The following DCC variants were observed in gnomAD, a reference collection of about 807,000 sequenced individuals.
DCC encodes DCC netrin 1 receptor, also known as netrin receptor DCC.
DCC carries 58 observed loss-of-function variants against 172.5 expected under a neutral mutation model. The observed-to-expected ratio is 0.34, with a 90% CI of 0.27 to 0.42. The LOEUF (loss-of-function observed/expected upper bound fraction) is 0.42. DCC is among the 10% of genes least tolerant of loss of function. The probability of loss-of-function intolerance (pLI) is 1.00; values close to 1 mark genes in which losing one functional copy is unlikely to be tolerated. For synonymous variants in DCC, 709 were observed against 644.5 expected (o/e 1.10, Z -1.52); for missense variants, 1,740 against 1,791.0 (o/e 0.97, Z 0.51).
intron 12 of DCC, among the ~76,000 whole-genome samples, chr18:53,224,577 G>C (rs2055995656): frequency 6.6e-6 from 1 of 152,170 alleles, no homozygotes. Context: ...ACAACCAAGT[G>C]CTCCATGTGA....
chr18:52,341,577 A>C (rs934252416), intron 1 of DCC, among the ~76,000 whole-genome samples: 2 of 152,166 alleles, frequency 1.3e-5, no homozygotes, highest in Non-Finnish European at 2.9e-5. Flanking sequence ...TTGATATTCC[A>C]GAGAACCGGC....
At chr18:52,680,388 C>T (rs985217319) in intron 1 of DCC, among the ~76,000 whole-genome samples, 1 of 152,082 alleles carries the variant, frequency 6.6e-6, no homozygotes, top group African/African-American at 2.4e-5. Context: ...GCCAGCTAAC[C>T]TTCCTTGTCC....
chr18:53,286,652 A>G (rs1410406460), intron 12 of DCC, among the ~76,000 whole-genome samples: 2 of 152,130 alleles, frequency 1.3e-5, no homozygotes, highest in African/African-American at 2.4e-5. Context: ...TGCTCTGTAT[A>G]TACTGCCTTC....
At chr18:53,305,782 T>C in intron 13 of DCC, 63 bp downstream of exon 13, 1 of 1,529,374 alleles carries the variant, frequency 6.5e-7, no homozygotes, top group Non-Finnish European at 9.1e-7. Context: ...AGGAATAAAA[T>C]ATAGTCTCAC....
intron 5 of DCC, among the ~76,000 whole-genome samples, chr18:53,006,160 T>C (rs2041642583): frequency 6.6e-6 from 1 of 152,204 alleles, no homozygotes; most frequent in African/African-American, 2.4e-5. Flanking sequence ...TAAAAATAAT[T>C]TTGCTGACAT....
At chr18:52,747,983 G>C (rs1281594470) in intron 1 of DCC, among the ~76,000 whole-genome samples, 1 of 152,194 alleles carries the variant, frequency 6.6e-6, no homozygotes, top group Non-Finnish European at 1.5e-5. Context: ...TGGGTTCCGA[G>C]CTGGCCGCTG....
chr18:52,561,517 ATTC>A (rs2033038338), intron 1 of DCC, among the ~76,000 whole-genome samples: 2 of 151,952 alleles, frequency 1.3e-5, no homozygotes, highest in Non-Finnish European at 2.9e-5. Context: ...TCTCTGCCTG[ATTC>A]TTATCTGTAC....
intron 2 of DCC, among the ~76,000 whole-genome samples, chr18:52,773,681 C>A: frequency 6.6e-6 from 1 of 152,106 alleles, no homozygotes; most frequent in East Asian, 1.9e-4. Flanking sequence ...CATGTGCCAC[C>A]ACACCTGGCT....
At chr18:53,215,500 T>C (rs1315151182) in intron 11 of DCC, 48 bp from the exon 12 acceptor site, 1 of 1,488,896 alleles carries the variant, frequency 6.7e-7, no homozygotes, top group Non-Finnish European at 9.4e-7. Context: ...GGTATTTTTC[T>C]TTCAAGATTT....
intron 27 of DCC, 121 bp from the exon 28 acceptor site, chr18:53,526,496 A>T (rs1568187765): frequency 2.9e-6 from 3 of 1,041,224 alleles, no homozygotes; most frequent in East Asian, 2.4e-5. Flanking sequence ...TCATCTTTAC[A>T]CTACAGAATG....
intron 2 of DCC, among the ~76,000 whole-genome samples, chr18:52,882,262 CTTTT>C (rs2039497698): frequency 6.7e-6 from 1 of 149,488 alleles, no homozygotes; most frequent in African/African-American, 2.4e-5. Flanking sequence ...CTTGCCCTTT[CTTTT>C]TTAGTTCTTT....
chr18:53,376,625 C>T (rs1173292455), intron 15 of DCC, among the ~76,000 whole-genome samples: 6 of 151,934 alleles, frequency 3.9e-5, no homozygotes, highest in Non-Finnish European at 2.9e-5. Context: ...CTGGAGTACA[C>T]GTGCTGCTTT....
chr18:52,792,930 C>A (rs1286580951), intron 2 of DCC, among the ~76,000 whole-genome samples: 1 of 149,392 alleles, frequency 6.7e-6, no homozygotes, highest in Non-Finnish European at 1.5e-5. Context: ...CATGATTCTA[C>A]CTTCTGATCC....
chr18:53,093,398 C>T (rs2043041533), intron 7 of DCC, among the ~76,000 whole-genome samples: 1 of 152,050 alleles, frequency 6.6e-6, no homozygotes, highest in South Asian at 2.1e-4. Flanking sequence ...CGAAATGAGA[C>T]CTAGGTATAT....
At chr18:53,489,344 G>A (rs2045936110) in intron 26 of DCC, among the ~76,000 whole-genome samples, 1 of 152,144 alleles carries the variant, frequency 6.6e-6, no homozygotes, top group African/African-American at 2.4e-5. Flanking sequence ...CCAAGTGACT[G>A]TTTAAAATAA....
intron 5 of DCC, among the ~76,000 whole-genome samples, chr18:53,026,079 A>G (rs1369510667): frequency 6.6e-6 from 1 of 152,058 alleles, no homozygotes. Flanking sequence ...ATGTGAGTTA[A>G]TAAAATAATA....
At chr18:53,262,095 A>G (rs1440653827) in intron 12 of DCC, among the ~76,000 whole-genome samples, 1 of 152,172 alleles carries the variant, frequency 6.6e-6, no homozygotes, top group East Asian at 1.9e-4. Flanking sequence ...TTCTTACACA[A>G]AGAACAGCAG....
At chr18:52,722,099 C>T (rs1381447707) in intron 1 of DCC, among the ~76,000 whole-genome samples, 6 of 152,114 alleles carry the variant, frequency 3.9e-5, no homozygotes, top group Non-Finnish European at 8.8e-5. Context: ...ATGTCTATGA[C>T]AATTGTGGGT....
At chr18:53,150,687 C>A (rs761185387) in intron 7 of DCC, among the ~76,000 whole-genome samples, 1 of 152,156 alleles carries the variant, frequency 6.6e-6, no homozygotes, top group Non-Finnish European at 1.5e-5. Context: ...GAGGCCCCCA[C>A]GTCAGGGCAG....
Sources: gnomAD v4.1 joint callset for allele counts (sites outside exome capture counted in the v4.1 genomes callset) on GRCh38, gnomAD v4.1.1 for gene constraint, MANE v1.5 for transcripts, NCBI Gene and HGNC (gene_info 2026-07-23, HGNC 2026-07-21) for gene names.